ASCC3: variants seen among roughly 807,000 people sequenced by gnomAD.
The protein encoded by ASCC3 is ASC-1 complex subunit P200.
Under a neutral mutation model 256.3 loss-of-function variants are expected in ASCC3, and 158 were observed. The ratio of observed to expected loss-of-function variants is 0.62; its 90% CI spans 0.54 to 0.70. ASCC3 has a LOEUF of 0.70. ASCC3 is among the 30% of genes least tolerant of loss of function. The pLI, the probability that ASCC3 is intolerant of heterozygous loss-of-function variation, is 0.00. For synonymous variants in ASCC3, 948 were observed against 883.4 expected (o/e 1.07, Z -1.30); for missense variants, 2,259 against 2,626.0 (o/e 0.86, Z 3.05).
chr6:100,608,473 TATACTTTATATATATAC>T lies in ASCC3; in HGVS notation c.4786-1402_4786-1386del, dbSNP rs1562162548. 2.8e-4 allele frequency among the ~76,000 whole-genome samples: 5 copies of T among 17,722 alleles called. 1 individual carries two copies. The highest frequency in any genetic ancestry group is 2.3e-3 in the South Asian group (1 of 440). 11.6% of individuals were successfully genotyped at this position (17,722 alleles called of 152,430 possible). A position where few individuals can be genotyped will look rare whatever the true frequency, so the allele number is the denominator to read the frequency against. On this transcript the variant is annotated intron_variant, in intron 30 of 41. Coordinates refer to ENST00000369162, the MANE Select transcript of ASCC3 (RefSeq NM_006828.4). ...TTTATATATATATACTTTATATATATATACTTTATATATATACTTTATATATATATACTTTATATATA... is the reference window on the plus strand; with the variant it reads ...TTTATATATATATACTTTATATATATTTTATATATATATACTTTATATATA...
intron 16 of ASCC3, among the ~76,000 whole-genome samples, chr6:100,658,396 A>G (rs892646011): frequency 1.3e-5 from 2 of 151,478 alleles, no homozygotes; most frequent in African/African-American, 4.8e-5. Context: ...AAAATTGTTG[A>G]AATTATATAA....
intron 37 of ASCC3, among the ~76,000 whole-genome samples, chr6:100,526,086 G>C (rs1774565573): frequency 6.6e-6 from 1 of 152,158 alleles, no homozygotes; most frequent in African/African-American, 2.4e-5. Context: ...GTTGTTCATA[G>C]TAACTTTCTC....
intron 4 of ASCC3, among the ~76,000 whole-genome samples, chr6:100,818,155 T>C (rs1334544085): frequency 6.6e-6 from 1 of 152,150 alleles, no homozygotes; most frequent in Non-Finnish European, 1.5e-5. Flanking sequence ...AATCACATGA[T>C]CAGCTCAACA....
intron 8 of ASCC3, among the ~76,000 whole-genome samples, chr6:100,794,260 A>C (rs548648574): frequency 6.6e-6 from 1 of 152,152 alleles, no homozygotes; most frequent in South Asian, 2.1e-4. Flanking sequence ...ACCTCTTAGC[A>C]TGGTTTTCAA....
intron 29 of ASCC3, 92 bp downstream of exon 29, chr6:100,627,497 TC>T: frequency 6.6e-7 from 1 of 1,513,892 alleles, no homozygotes; most frequent in Non-Finnish European, 9.1e-7. Context: ...TGGACCAGTA[TC>T]ATCCTTTCAA....
intron 8 of ASCC3, among the ~76,000 whole-genome samples, chr6:100,796,928 A>G (rs1353536017): frequency 6.6e-6 from 1 of 152,156 alleles, no homozygotes; most frequent in African/African-American, 2.4e-5. Flanking sequence ...ATGCCCCCCA[A>G]AAATCTCCAC....
intron 36 of ASCC3, among the ~76,000 whole-genome samples, chr6:100,540,722 A>G (rs1775415204): frequency 6.6e-6 from 1 of 152,200 alleles, no homozygotes; most frequent in Non-Finnish European, 1.5e-5. Flanking sequence ...AAAGTGTAAT[A>G]AATGTTACGA....
chr6:100,597,225 T>C (rs545366417), intron 34 of ASCC3, among the ~76,000 whole-genome samples: 2 of 152,282 alleles, frequency 1.3e-5, no homozygotes, highest in East Asian at 1.9e-4. Context: ...ATCTATTACC[T>C]TTTAATAATA....
At chr6:100,664,447 A>G (rs1412891347) in intron 14 of ASCC3, among the ~76,000 whole-genome samples, 1 of 152,138 alleles carries the variant, frequency 6.6e-6, no homozygotes, top group Non-Finnish European at 1.5e-5. Flanking sequence ...ATGCATTAAC[A>G]AACCACACCA....
intron 4 of ASCC3, among the ~76,000 whole-genome samples, chr6:100,846,255 T>G (rs1360717109): frequency 6.6e-6 from 1 of 152,114 alleles, no homozygotes; most frequent in Non-Finnish European, 1.5e-5. Context: ...AAAATTATAC[T>G]GAAAATTTGC....
intron 25 of ASCC3, among the ~76,000 whole-genome samples, chr6:100,631,787 A>G (rs955858109): frequency 2.0e-5 from 3 of 152,126 alleles, no homozygotes; most frequent in South Asian, 2.1e-4. Flanking sequence ...CCAAACCTAT[A>G]CAAAATGTAT....
chr6:100,621,591 G>C (rs917756157), intron 30 of ASCC3, among the ~76,000 whole-genome samples: 1 of 152,150 alleles, frequency 6.6e-6, no homozygotes, highest in Non-Finnish European at 1.5e-5. Flanking sequence ...AGAAACAATA[G>C]ATGCAGGCAA....
chr6:100,583,377 G>T (rs1481346398), intron 36 of ASCC3, among the ~76,000 whole-genome samples: 4 of 152,082 alleles, frequency 2.6e-5, no homozygotes, highest in African/African-American at 9.7e-5. Flanking sequence ...TTTGCGTAGA[G>T]GTGTTTGTAG....
intron 36 of ASCC3, among the ~76,000 whole-genome samples, chr6:100,562,748 C>T (rs923471909): frequency 6.6e-6 from 1 of 151,884 alleles, no homozygotes; most frequent in Non-Finnish European, 1.5e-5. Context: ...CACTTAATTC[C>T]TTAGGATCAA....
At chr6:100,778,389 A>T (rs1191888098) in intron 8 of ASCC3, among the ~76,000 whole-genome samples, 1 of 124,412 alleles carries the variant, frequency 8.0e-6, no homozygotes, top group Non-Finnish European at 1.7e-5. Flanking sequence ...CATTCTAGTA[A>T]TCTTTCTAAA....
intron 10 of ASCC3, among the ~76,000 whole-genome samples, chr6:100,762,873 G>A (rs959825450): frequency 6.6e-6 from 1 of 152,062 alleles, no homozygotes; most frequent in South Asian, 2.1e-4. Flanking sequence ...CAGAAAATTT[G>A]CAAATGAGAT....
intron 3 of ASCC3, among the ~76,000 whole-genome samples, chr6:100,852,829 TC>T (rs1772750333): frequency 6.6e-6 from 1 of 152,140 alleles, no homozygotes; most frequent in African/African-American, 2.4e-5. Flanking sequence ...GAAAACTGGC[TC>T]TACCCACCTG....
At chr6:100,814,136 G>A (rs1770625316) in intron 4 of ASCC3, among the ~76,000 whole-genome samples, 1 of 152,130 alleles carries the variant, frequency 6.6e-6, no homozygotes, top group Non-Finnish European at 1.5e-5. Flanking sequence ...TTTATAGAGG[G>A]TTTTTAACAT....
Position 100,628,090 on chromosome 6 carries a change from AC to A in ASCC3, c.4376-104del, listed in dbSNP as rs1456264015. 1,226 of 1,226,270 alleles carry A rather than the reference AC, an allele frequency of 1.0e-3. 10 individuals are homozygous for A. The highest frequency in any genetic ancestry group is 1.1e-3 in the Non-Finnish European group (968 of 879,586). 76.0% of individuals were successfully genotyped at this position (1,226,270 alleles called of 1,614,324 possible). ...TTTGTAGCTTCCTCAAAAAACAAAA[AC>A]AAAAAAAAAAACAAAAAAAAAGCTA... On this transcript the variant is annotated intron_variant, in intron 27 of 41. Coordinates refer to ENST00000369162, the MANE Select transcript of ASCC3 (RefSeq NM_006828.4).
Sources: allele counts gnomAD v4.1 joint callset (sites outside exome capture counted in the v4.1 genomes callset), GRCh38; gene constraint gnomAD v4.1.1; transcripts MANE v1.5; gene names NCBI Gene and HGNC (gene_info 2026-07-23, HGNC 2026-07-21).